Variants in PRDM1 observed in about 807,000 individuals in gnomAD.
PRDM1 encodes the protein PR/SET domain 1.
Under a neutral mutation model 62.8 loss-of-function variants are expected in PRDM1, and 13 were observed. That is an observed-to-expected ratio of 0.21 (90% CI 0.13 to 0.33). PRDM1 has a LOEUF of 0.33. Among genes scored for constraint, PRDM1 ranks in the 10% least tolerant of loss-of-function variants. PRDM1 has a pLI of 1.00. For synonymous variants in PRDM1, 396 were observed against 417.6 expected (o/e 0.95, Z 0.63); for missense variants, 895 against 1,058.8 (o/e 0.85, Z 2.15).
intron 1 of PRDM1, among the ~76,000 whole-genome samples, chr6:106,075,656 G>A (rs149881078): frequency 3.9e-4 from 60 of 152,278 alleles, no homozygotes; most frequent in Middle Eastern, 3.4e-3. Flanking sequence ...CTAGTTGAAA[G>A]AAAACTATAC....
intron 1 of PRDM1, among the ~76,000 whole-genome samples, chr6:106,041,736 A>G (rs1404689561): frequency 6.6e-6 from 1 of 152,054 alleles, no homozygotes; most frequent in South Asian, 2.1e-4. Context: ...AGAACCATCC[A>G]TAATTCCTCC....
At chr6:106,027,081 A>G (rs1342890434) in intron 1 of PRDM1, among the ~76,000 whole-genome samples, 4 of 152,144 alleles carry the variant, frequency 2.6e-5, no homozygotes, top group African/African-American at 9.7e-5. Context: ...TTCTTCCACA[A>G]TATGTCCTAT....
intron 1 of PRDM1, among the ~76,000 whole-genome samples, chr6:106,002,325 T>C (rs1772436041): frequency 6.6e-6 from 1 of 152,184 alleles, no homozygotes; most frequent in Middle Eastern, 3.2e-3. Context: ...TAATTTAATG[T>C]TTAACTTCTG....
intron 1 of PRDM1, among the ~76,000 whole-genome samples, chr6:106,028,327 A>G (rs1257537673): frequency 5.9e-5 from 9 of 152,180 alleles, no homozygotes; most frequent in Admixed American, 2.6e-4. Context: ...TTAATGTTGG[A>G]CCTTTGCTTC....
chr6:105,996,691 T>C (rs917342535), intron 1 of PRDM1, among the ~76,000 whole-genome samples: 33 of 152,236 alleles, frequency 2.2e-4, no homozygotes, highest in Admixed American at 6.5e-5. Flanking sequence ...TTTATGGCTA[T>C]TTTAAATAAA....
chr6:106,073,175 C>G (rs575929663), intron 1 of PRDM1, among the ~76,000 whole-genome samples: 1 of 147,472 alleles, frequency 6.8e-6, no homozygotes, highest in South Asian at 2.1e-4. Context: ...AGTGCAATGG[C>G]GCAATCTCGG....
At chr6:106,004,017 G>A (rs1772457010) in intron 1 of PRDM1, among the ~76,000 whole-genome samples, 1 of 152,092 alleles carries the variant, frequency 6.6e-6, no homozygotes, top group African/African-American at 2.4e-5. Flanking sequence ...TTTTGTTTTT[G>A]TGGGTAATGC....
At chr6:106,014,999 A>G (rs1047275853) in intron 1 of PRDM1, among the ~76,000 whole-genome samples, 2 of 152,120 alleles carry the variant, frequency 1.3e-5, no homozygotes, top group African/African-American at 2.4e-5. Context: ...TGCCCGGTGA[A>G]TTTCCTTAAA....
chr6:106,076,810 G>C (rs1427728043), intron 1 of PRDM1, among the ~76,000 whole-genome samples: 2 of 152,194 alleles, frequency 1.3e-5, no homozygotes, highest in Non-Finnish European at 2.9e-5. Flanking sequence ...AAGCAACAAG[G>C]AGTTTGTTTT....
rs568894839 is a variant in PRDM1, at chr6:106,037,525, G to A, written c.-67+43886G>A. On this transcript the variant is annotated intron_variant, in intron 1 of 6. Transcript: ENST00000652320. ...CGATGGCATCCCACAGGTCCCTTAG[G>A]CTCTTCTCACTTTCCTTCCATCTTT... is the stretch of plus-strand genomic sequence containing the variant. 3.3e-5 allele frequency among the ~76,000 whole-genome samples: 5 copies of A among 152,054 alleles called. No homozygotes were observed. In the East Asian group the frequency reaches 9.7e-4, roughly 29 times the overall value.
chr6:106,066,642 T>A (rs1213811174), intron 1 of PRDM1, among the ~76,000 whole-genome samples: 4 of 152,232 alleles, frequency 2.6e-5, no homozygotes, highest in Admixed American at 1.3e-4. Context: ...AAAAGTAATA[T>A]TCATTCTTAA....
chr6:106,105,958 A>C, intron 5 of PRDM1, 25 bp downstream of exon 5: 1 of 1,596,212 alleles, frequency 6.3e-7, no homozygotes, highest in Non-Finnish European at 8.5e-7. Flanking sequence ...AGAGCAGTCC[A>C]AGGGGCTGTG....
intron 1 of PRDM1, among the ~76,000 whole-genome samples, chr6:106,025,244 A>G (rs757135124): frequency 9.9e-5 from 15 of 152,214 alleles, no homozygotes; most frequent in Non-Finnish European, 1.9e-4. Flanking sequence ...ACATGTTAAA[A>G]TGCAAAATTG....
At chr6:106,032,788 A>G (rs1424610075) in intron 1 of PRDM1, among the ~76,000 whole-genome samples, 2 of 152,206 alleles carry the variant, frequency 1.3e-5, no homozygotes, top group Non-Finnish European at 2.9e-5. Context: ...AATTTGAAGA[A>G]ATAATCACCC....
chr6:106,037,232 T>G (rs1772934831), intron 1 of PRDM1, among the ~76,000 whole-genome samples: 1 of 152,204 alleles, frequency 6.6e-6, no homozygotes, highest in Non-Finnish European at 1.5e-5. Context: ...CTCACTGCCT[T>G]CTTGCCCCTA....
At chr6:106,040,620 ATACCTACTT>A (rs1772979864) in intron 1 of PRDM1, among the ~76,000 whole-genome samples, 1 of 152,212 alleles carries the variant, frequency 6.6e-6, no homozygotes, top group South Asian at 2.1e-4. Context: ...GTCCAGATAC[ATACCTACTT>A]GACTAAATTG....
rs1306953840 is a variant in PRDM1, at chr6:106,099,584, A to T, written c.664+32A>T. On this transcript the variant is annotated intron_variant, in intron 4 of 6. Transcript: ENST00000369096. Reference sequence around the variant, plus strand: ...GGATTACAGAACAAAAAAATAAAAAATGCCAGTAATGTCGGTTCTGCCCCT... The same window carrying T: ...GGATTACAGAACAAAAAAATAAAAATTGCCAGTAATGTCGGTTCTGCCCCT... The T allele has an allele frequency of 3.7e-6, 6 of 1,610,072 alleles. No individual in the cohort carries two copies. In the Admixed American group the frequency reaches 8.4e-5, roughly 22 times the overall value.
At chr6:106,000,892 C>T (rs1336050383) in intron 1 of PRDM1, among the ~76,000 whole-genome samples, 4 of 152,078 alleles carry the variant, frequency 2.6e-5, no homozygotes, top group Non-Finnish European at 5.9e-5. Context: ...TCTAGGATAC[C>T]ACATAGAAAT....
At chr6:106,042,527 CA>C (rs764478792) in intron 1 of PRDM1, among the ~76,000 whole-genome samples, 51 of 139,774 alleles carry the variant, frequency 3.6e-4, no homozygotes, top group South Asian at 7.2e-4. Context: ...AACTCTGTCT[CA>C]AAAAAAAAAA....
Sources: allele counts gnomAD v4.1 joint callset (sites outside exome capture counted in the v4.1 genomes callset), GRCh38; gene constraint gnomAD v4.1.1; transcripts MANE v1.5; gene names NCBI Gene and HGNC (gene_info 2026-07-23, HGNC 2026-07-21).